WNK3: variants seen among roughly 807,000 people sequenced by gnomAD.
WNK3 encodes WNK lysine deficient protein kinase 3.
Under a neutral mutation model 116.7 loss-of-function variants are expected in WNK3, and 18 were observed. The ratio of observed to expected loss-of-function variants is 0.15; its 90% CI spans 0.11 to 0.23. WNK3 has a LOEUF of 0.23. Among genes scored for constraint, WNK3 ranks in the 10% least tolerant of loss-of-function variants. The probability of loss-of-function intolerance (pLI) is 1.00; values close to 1 mark genes in which losing one functional copy is unlikely to be tolerated. For synonymous variants in WNK3, 404 were observed against 469.4 expected, an observed-to-expected ratio of 0.86 and a Z score of 1.80; for missense variants, 993 against 1,323.8, an observed-to-expected ratio of 0.75 and a Z score of 3.88.
At chrX:54,267,570 G>T (rs993729433) in intron 10 of WNK3, among the ~76,000 whole-genome samples, 1 of 110,530 alleles carries the variant, frequency 9.0e-6, no homozygotes, top group Non-Finnish European at 1.9e-5. Context: ...GGGATCACTT[G>T]AAGTCAGGAG....
intron 10 of WNK3, among the ~76,000 whole-genome samples, chrX:54,268,080 G>GCACA (rs57010526): frequency 0.065 from 5,266 of 80,719 alleles, 198 homozygotes; most frequent in Non-Finnish European, 0.077. Context: ...CTGAATGCGT[G>GCACA]CACACACACA....
chrX:54,263,428 A>G (rs1388610000), intron 10 of WNK3, among the ~76,000 whole-genome samples: 1 of 111,972 alleles, frequency 8.9e-6, no homozygotes, highest in African/African-American at 3.2e-5. Context: ...TTTTTCTAAC[A>G]TTATAAAAAT....
At chrX:54,312,106 GC>G (rs1557169781) in intron 2 of WNK3, among the ~76,000 whole-genome samples, 1 of 110,681 alleles carries the variant, frequency 9.0e-6, no homozygotes, top group Admixed American at 9.7e-5. Context: ...GAGCACCTGA[GC>G]CCAGTTCGAG....
intron 1 of WNK3, among the ~76,000 whole-genome samples, chrX:54,353,746 CAA>C (rs1305320768): frequency 2.0e-5 from 2 of 98,521 alleles, no homozygotes; most frequent in Non-Finnish European, 2.1e-5. Context: ...GACTCCCTCT[CAA>C]AAAAAAAAAG....
intron 22 of WNK3, among the ~76,000 whole-genome samples, chrX:54,217,696 G>A: frequency 9.0e-6 from 1 of 110,902 alleles, no homozygotes; most frequent in East Asian, 2.8e-4. Context: ...GAGGTAGGAG[G>A]ATTGCTTGAG....
intron 3 of WNK3, among the ~76,000 whole-genome samples, chrX:54,310,557 TAATAAAATAA>T (rs1303174193): frequency 1.9e-4 from 20 of 104,648 alleles, no homozygotes; most frequent in Admixed American, 3.1e-4. Flanking sequence ...TCCCAAAAAA[TAATAAAATAA>T]AATAAAATAA....
chrX:54,294,641 C>T, exon 8 of WNK3: 1 of 1,208,201 alleles, frequency 8.3e-7, no homozygotes, highest in Non-Finnish European at 1.1e-6. Context: ...CACATTCAGC[C>T]CCAGTTTGCT....
At chrX:54,356,706 CAGA>C (rs2069598355) in intron 1 of WNK3, among the ~76,000 whole-genome samples, 1 of 111,131 alleles carries the variant, frequency 9.0e-6, no homozygotes, top group Non-Finnish European at 1.9e-5. Flanking sequence ...CACTACTATG[CAGA>C]AGATTTTCAC....
At chrX:54,292,813 A>T in intron 10 of WNK3, 75 bp downstream of exon 10, 1 of 1,029,760 alleles carries the variant, frequency 9.7e-7, no homozygotes, top group Non-Finnish European at 1.3e-6. Flanking sequence ...ATAAAAGAGA[A>T]CTTTTGCCTG....
At chrX:54,279,421 A>C (rs1399481956) in intron 10 of WNK3, among the ~76,000 whole-genome samples, 2 of 110,936 alleles carry the variant, frequency 1.8e-5, no homozygotes, top group Admixed American at 9.7e-5. Flanking sequence ...AAAATTAGCC[A>C]GGTGTGGTGG....
At chrX:54,198,296 C>T (rs1557140637) in exon 24 of WNK3, 1 of 1,082,485 alleles carries the variant, frequency 9.2e-7, no homozygotes, top group Non-Finnish European at 1.2e-6. Context: ...CTGAAAAAAC[C>T]TCCCTTTTTA....
At position 54,272,907 on chromosome X, in the gene WNK3, T is replaced by C. The variant is rs112932704; in HGVS notation, c.2038-13569A>G. On this transcript the variant is annotated intron_variant, in intron 10 of 23. Coordinates refer to ENST00000354646, the Ensembl canonical transcript of WNK3. The stretch of plus-strand genomic sequence containing the variant: ...ATTCCATTGGCTAAGCTATGAATAG[T>C]AGTAAAATAGAAAATAGAACCACAA... Among the ~76,000 whole-genome samples, 1,012 of 112,159 alleles carry C rather than the reference T, an allele frequency of 9.0e-3. 9 individuals carry two copies. Among genetic ancestry groups the C allele is most frequent in the African/African-American group, 0.032 (984 of 30,922 alleles).
chrX:54,281,956 G>A (rs782699537), intron 10 of WNK3, among the ~76,000 whole-genome samples: 39 of 108,831 alleles, frequency 3.6e-4, no homozygotes, highest in Middle Eastern at 9.6e-3. Context: ...ATTTCTTTTC[G>A]TTTGGATATA....
At chrX:54,266,717 T>A (rs1184739598) in intron 10 of WNK3, among the ~76,000 whole-genome samples, 3 of 107,888 alleles carry the variant, frequency 2.8e-5, no homozygotes, top group African/African-American at 3.4e-5. Flanking sequence ...TTTAATTTAT[T>A]TATATATATA....
intron 15 of WNK3, among the ~76,000 whole-genome samples, chrX:54,250,966 C>T (rs2068123284): frequency 9.0e-6 from 1 of 111,202 alleles, no homozygotes; most frequent in African/African-American, 3.3e-5. Flanking sequence ...CAGTGACCAG[C>T]GCAAGTAGAA....
chrX:54,277,002 C>A (rs1183792925), intron 10 of WNK3, among the ~76,000 whole-genome samples: 1 of 112,195 alleles, frequency 8.9e-6, no homozygotes, highest in Non-Finnish European at 1.9e-5. Context: ...CAGGTGTTAG[C>A]CACCGCGCCT....
At chrX:54,209,667 G>T (rs895261230) in intron 22 of WNK3, among the ~76,000 whole-genome samples, 19 of 100,558 alleles carry the variant, frequency 1.9e-4, no homozygotes, top group Admixed American at 1.0e-3. Flanking sequence ...TCTCCTGCCT[G>T]AGCCTCCCAA....
At chrX:54,239,573 A>G (rs2068001471) in intron 17 of WNK3, among the ~76,000 whole-genome samples, 1 of 111,583 alleles carries the variant, frequency 9.0e-6, no homozygotes, top group African/African-American at 3.3e-5. Flanking sequence ...ACATAAAAAC[A>G]GAAAAAAACA....
intron 2 of WNK3, among the ~76,000 whole-genome samples, chrX:54,321,060 C>T (rs1557172137): frequency 9.1e-6 from 1 of 109,454 alleles, no homozygotes; most frequent in African/African-American, 3.3e-5. Context: ...CCATGCGCCG[C>T]TAATTTTGGT....
Sources: gnomAD v4.1 joint callset for allele counts (sites outside exome capture counted in the v4.1 genomes callset) on GRCh38, gnomAD v4.1.1 for gene constraint, MANE v1.5 for transcripts, NCBI Gene and HGNC (gene_info 2026-07-23, HGNC 2026-07-21) for gene names.